The following CARS2 variants were observed in gnomAD, a reference collection of about 807,000 sequenced individuals.
The protein encoded by CARS2 is cysteinyl-tRNA synthetase 2, mitochondrial, also known as probable cysteine--tRNA ligase, mitochondrial.
CARS2 carries 52 observed loss-of-function variants against 68.8 expected under a neutral mutation model. The observed-to-expected ratio is 0.76, with a 90% CI of 0.61 to 0.95. CARS2 has a LOEUF of 0.95. Ranked by LOEUF, CARS2 falls within the 40% of genes least tolerant of loss-of-function variation. The pLI, the probability that CARS2 is intolerant of heterozygous loss-of-function variation, is 0.00. For synonymous variants in CARS2, 314 were observed against 303.6 expected, an observed-to-expected ratio of 1.03 and a Z score of -0.36; for missense variants, 780 against 754.2, an observed-to-expected ratio of 1.03 and a Z score of -0.40.
intron 1 of CARS2, chr13:110,712,542 GGC>G (rs1412457930): frequency 7.0e-6 from 2 of 284,886 alleles, no homozygotes; most frequent in Non-Finnish European, 1.4e-5. Flanking sequence ...GGGGGGGGCC[GGC>G]GCGCGGGGCC....
chr13:110,646,974 C>T (rs779148888), intron 11 of CARS2, 127 bp downstream of exon 11: 1 of 1,209,376 alleles, frequency 8.3e-7, no homozygotes, highest in Admixed American at 2.8e-5. Flanking sequence ...CTGGGCAGTC[C>T]CTGACCCCAA....
intron 10 of CARS2, among the ~76,000 whole-genome samples, chr13:110,647,516 C>CTGGA (rs1555343731): frequency 2.0e-5 from 3 of 151,808 alleles, no homozygotes; most frequent in East Asian, 1.9e-4. Context: ...TTTCCACTGA[C>CTGGA]TGGATGGAGG....
rs1218494594 is a variant in CARS2, at chr13:110,644,388, T to C, written c.1413A>G (p.Gln471=). The change falls in exon 13 of 15, where the codon CAA becomes CAG. Residue 471 remains glutamine (Q), a synonymous_variant. Coordinates refer to ENST00000257347, the MANE Select transcript of CARS2 (RefSeq NM_024537.4). ...CATTTAAAATAATAGGACCTACCTG[T>C]TGATTTGCCAGAGAAATTCCAACAG... ...FETVGISLAN[Q]QYVSGDGSEA... 9 of 1,613,530 alleles carry C rather than the reference T, an allele frequency of 5.6e-6. No individual in the cohort carries two copies. The highest frequency in any genetic ancestry group is 7.6e-6 in the Non-Finnish European group (9 of 1,179,508).
At chr13:110,667,308 A>C (rs1293671056) in intron 8 of CARS2, 32 bp downstream of exon 8, 1 of 1,588,174 alleles carries the variant, frequency 6.3e-7, no homozygotes, top group South Asian at 1.2e-5. Context: ...TAGAATTGAA[A>C]CAGAACAAAT....
chr13:110,687,845 G>A lies in CARS2; in HGVS notation c.466-19C>T, dbSNP rs761290336. 1.2e-5 allele frequency: 19 copies of A among 1,576,798 alleles called. No individual in the cohort carries two copies. Among genetic ancestry groups the A allele is most frequent in the African/African-American group, 2.7e-5 (2 of 74,100 alleles). ...GGAGAACCTGCAAGGAAGTGGAGAC[G>A]TGACCGTGTTTCCCTCGTGAGAAGC... is the stretch of plus-strand genomic sequence containing the variant. On this transcript the variant is annotated intron_variant, in intron 4 of 14. Transcript: ENST00000257347.
Position 110,644,437 on chromosome 13 carries a change from G to T in CARS2, c.1364C>A (p.Ser455Tyr). The change falls in exon 13 of 15, where the codon TCT becomes TAT. Residue 455 changes from serine to tyrosine, a missense_variant. Ser to Tyr is a moderately radical substitution (Grantham distance 144). Transcript: ENST00000257347. The part of the protein sequence containing the change: ...RSPAVFGAII[S>Y]YFEQFFETVG... Reference sequence around the variant, plus strand: ...AGTTTCAAAAAACTGTTCAAAGTAAGAGATGATGGCACCAAACACAGCAGG... The same window carrying T: ...AGTTTCAAAAAACTGTTCAAAGTAATAGATGATGGCACCAAACACAGCAGG... 1 of 1,614,094 alleles carries T rather than the reference G, an allele frequency of 6.2e-7. No homozygotes were observed. Among genetic ancestry groups the T allele is most frequent in the Non-Finnish European group, 8.5e-7 (1 of 1,180,040 alleles).
At chr13:110,702,273 C>G (rs1236217614) in intron 2 of CARS2, among the ~76,000 whole-genome samples, 2 of 152,108 alleles carry the variant, frequency 1.3e-5, no homozygotes, top group Admixed American at 1.3e-4. Flanking sequence ...TCACTTTAAC[C>G]TCCCACACAC....
In CARS2 at chr13:110,675,319, C is replaced by T. The variant is rs142397139; in HGVS notation, c.785+1655G>A. 7.4e-3 allele frequency among the ~76,000 whole-genome samples: 1,122 copies of T among 152,250 alleles called. 7 individuals are homozygous for T. The highest frequency in any genetic ancestry group is 0.012 in the Non-Finnish European group (824 of 68,026). On this transcript the variant is annotated intron_variant, in intron 7 of 14. Coordinates refer to ENST00000257347, the MANE Select transcript of CARS2 (RefSeq NM_024537.4). ...ACTTGGAACCAACCCAAATGTCCACCAATGATAGACTGGATTAAGAAAATG... is the reference window on the plus strand; with the variant it reads ...ACTTGGAACCAACCCAAATGTCCACTAATGATAGACTGGATTAAGAAAATG...
At position 110,650,846 on chromosome 13, in the gene CARS2, C is replaced by G. The variant is rs116168677; in HGVS notation, c.1054+188G>C. ...GAGGAAGCCCACATCCACTGTGGGC[C>G]GGGCCCAGACCAGCACTGGGATCCC... is the stretch of plus-strand genomic sequence containing the variant. On this transcript the variant is annotated intron_variant, in intron 10 of 14. Transcript: ENST00000257347. The G allele has an allele frequency of 5.3e-3, 2,853 of 538,086 alleles. 65 individuals are homozygous for G. The highest frequency in any genetic ancestry group is 0.051 in the African/African-American group (2,567 of 50,698). The allele number at this position is 538,086 out of a possible 1,614,324, so 33.3% of individuals were successfully genotyped here.
chr13:110,694,099 C>T (rs1483190870), intron 3 of CARS2, among the ~76,000 whole-genome samples: 1 of 151,976 alleles, frequency 6.6e-6, no homozygotes, highest in Non-Finnish European at 1.5e-5. Flanking sequence ...GCGATCTCAG[C>T]TCACCGCAAC....
intron 8 of CARS2, chr13:110,664,159 G>T: frequency 3.0e-6 from 3 of 985,204 alleles, no homozygotes; most frequent in Non-Finnish European, 3.6e-6. Flanking sequence ...CCAAGAGAAG[G>T]GCTTTCTGTT....
At chr13:110,645,730 C>T in intron 12 of CARS2, 2 of 473,758 alleles carry the variant, frequency 4.2e-6, no homozygotes, top group Non-Finnish European at 7.4e-6. Flanking sequence ...TTCTCAGCCT[C>T]AGGGGCTCCT....
Position 110,683,065 on chromosome 13 carries a change from G to A in CARS2, c.641C>T (p.Pro214Leu), listed in dbSNP as rs543389950. Residue 214 changes from proline to leucine, a missense_variant, in exon 6 of 15, where the codon CCA (proline) becomes CTA (leucine). Pro to Leu is a moderately conservative substitution (Grantham distance 98). Coordinates refer to ENST00000257347, the MANE Select transcript of CARS2 (RefSeq NM_024537.4). ...GGCCAACCCACCTGGCTCTCCGACT[G>A]GACCAGGGACCACGCCGACCAATTT... ...YGKLVGVVPG[P>L]VGEPADSDKR... 1.2e-6 allele frequency: 2 copies of A among 1,601,202 alleles called. No homozygotes were observed. Among genetic ancestry groups the A allele is most frequent in the African/African-American group, 2.7e-5 (2 of 74,100 alleles).
intron 8 of CARS2, chr13:110,666,115 C>G: frequency 1.0e-6 from 1 of 985,328 alleles, no homozygotes; most frequent in Non-Finnish European, 1.2e-6. Context: ...ACCTCCTTCC[C>G]CATGGTCAAA....
chr13:110,651,368 CAGG>C (rs763891857), intron 9 of CARS2, among the ~76,000 whole-genome samples: 1 of 152,228 alleles, frequency 6.6e-6, no homozygotes, highest in African/African-American at 2.4e-5. Flanking sequence ...GCGCAGGCTC[CAGG>C]AGGAGTGTGT....
chr13:110,685,633 C>A (rs186286966), intron 5 of CARS2, among the ~76,000 whole-genome samples: 26 of 152,278 alleles, frequency 1.7e-4, no homozygotes, highest in Non-Finnish European at 3.5e-4. Context: ...CATTAAACAG[C>A]AAACTATGGC....
At chr13:110,656,772 T>C (rs1451525142) in intron 9 of CARS2, among the ~76,000 whole-genome samples, 4 of 151,936 alleles carry the variant, frequency 2.6e-5, no homozygotes, top group Non-Finnish European at 5.9e-5. Context: ...TAGTCCCAGC[T>C]ACTCAGGAGG....
chr13:110,643,128 T>G (rs1334209107), intron 13 of CARS2: 3 of 229,818 alleles, frequency 1.3e-5, no homozygotes, highest in Non-Finnish European at 2.7e-5. Context: ...ACCCCTCAGT[T>G]ATTGCTTCCA....
At chr13:110,643,354 G>A (rs756113493) in intron 13 of CARS2, 28 of 155,184 alleles carry the variant, frequency 1.8e-4, no homozygotes, top group Non-Finnish European at 3.0e-4. Context: ...CACACCAGTC[G>A]ACTTTTATGT....
Sources: gnomAD v4.1 joint callset for allele counts (sites outside exome capture counted in the v4.1 genomes callset) on GRCh38, gnomAD v4.1.1 for gene constraint, MANE v1.5 for transcripts, NCBI Gene and HGNC (gene_info 2026-07-23, HGNC 2026-07-21) for gene names.